Variants in RERE observed in about 807,000 individuals in gnomAD.
RERE encodes arginine-glutamic acid dipeptide repeats, also known as arginine-glutamic acid dipeptide repeats protein.
In RERE, 40 loss-of-function variants were observed where a neutral mutation model predicts 146.1. The ratio of observed to expected loss-of-function variants is 0.27; its 90% CI spans 0.21 to 0.36. The LOEUF is 0.36. RERE is among the 10% of genes least tolerant of loss of function. The probability of loss-of-function intolerance (pLI) is 1.00; values close to 1 mark genes in which losing one functional copy is unlikely to be tolerated. For synonymous variants in RERE, 1,003 were observed against 866.0 expected (o/e 1.16, Z -2.78); for missense variants, 1,933 against 2,138.7 (o/e 0.90, Z 1.90).
At chr1:8,429,945 G>GA (rs1170821934) in intron 11 of RERE, 1 of 152,214 alleles carries the variant, frequency 6.6e-6, no homozygotes. Context: ...AGCAGCAGAC[G>GA]AAAAAGACAT....
At chr1:8,548,331 T>C (rs534355676) in intron 6 of RERE, among the ~76,000 whole-genome samples, 2 of 152,172 alleles carry the variant, frequency 1.3e-5, no homozygotes, top group Admixed American at 1.3e-4. Context: ...ACCACAGCAA[T>C]AGTCCACATG....
intron 12 of RERE, among the ~76,000 whole-genome samples, chr1:8,385,630 G>A (rs1375653913): frequency 6.6e-6 from 1 of 151,942 alleles, no homozygotes; most frequent in African/African-American, 2.4e-5. Context: ...ACAACCAACT[G>A]TGGCCTCAGA....
intron 2 of RERE, among the ~76,000 whole-genome samples, chr1:8,647,641 A>ATGTGTGTGTG (rs1553127411): frequency 1.8e-3 from 264 of 148,630 alleles, no homozygotes; most frequent in African/African-American, 5.3e-3. Context: ...TAAAATATGT[A>ATGTGTGTGTG]TGTGTGTGTG....
intron 4 of RERE, among the ~76,000 whole-genome samples, chr1:8,586,973 T>G (rs1304303138): frequency 2.6e-5 from 4 of 151,990 alleles, no homozygotes; most frequent in Non-Finnish European, 5.9e-5. Flanking sequence ...TAAGAATAAT[T>G]CGGAAATATA....
At chr1:8,547,750 T>C (rs1035727529) in intron 6 of RERE, among the ~76,000 whole-genome samples, 1 of 152,224 alleles carries the variant, frequency 6.6e-6, no homozygotes, top group African/African-American at 2.4e-5. Flanking sequence ...GGCTGCTTCA[T>C]ACTTATCAGA....
At chr1:8,793,174 A>AAAAAAAAG (rs756022312) in intron 1 of RERE, among the ~76,000 whole-genome samples, 160 of 126,930 alleles carry the variant, frequency 1.3e-3, no homozygotes, top group East Asian at 2.4e-3. Flanking sequence ...AAAAAAAAAA[A>AAAAAAAAG]AAAGAAAGAA....
At chr1:8,359,629 G>A (rs944610855) in intron 19 of RERE, 135 bp downstream of exon 19, 3 of 993,250 alleles carry the variant, frequency 3.0e-6, no homozygotes, top group Non-Finnish European at 3.1e-6. Context: ...GAGACAGGGT[G>A]TAAATAGCAC....
chr1:8,522,298 C>T (rs552929923), intron 7 of RERE, among the ~76,000 whole-genome samples: 2 of 152,328 alleles, frequency 1.3e-5, no homozygotes, highest in South Asian at 2.1e-4. Flanking sequence ...TCCTGTCAGA[C>T]ATTTATGTTA....
chr1:8,719,074 G>T (rs1639813095), intron 1 of RERE, among the ~76,000 whole-genome samples: 1 of 152,166 alleles, frequency 6.6e-6, no homozygotes, highest in South Asian at 2.1e-4. Flanking sequence ...GAAACAGGCA[G>T]GGGGCAGCAA....
At chr1:8,455,547 TG>T (rs1644444555) in intron 11 of RERE, among the ~76,000 whole-genome samples, 2 of 152,168 alleles carry the variant, frequency 1.3e-5, no homozygotes, top group South Asian at 4.1e-4. Flanking sequence ...AGGAGTTGGT[TG>T]CTCCTTCCAA....
At chr1:8,644,535 A>G (rs1467649997) in intron 2 of RERE, among the ~76,000 whole-genome samples, 1 of 152,212 alleles carries the variant, frequency 6.6e-6, no homozygotes, top group Non-Finnish European at 1.5e-5. Flanking sequence ...AAAACTTTTC[A>G]TGCATACAAC....
chr1:8,785,682 C>T (rs1025716528), intron 1 of RERE, among the ~76,000 whole-genome samples: 3 of 152,064 alleles, frequency 2.0e-5, no homozygotes, highest in South Asian at 2.1e-4. Context: ...AGTGTGATGG[C>T]GCAGTCTTGG....
In RERE at chr1:8,362,851, A is replaced by G; in HGVS notation, c.1741-7T>C. The G allele has an allele frequency of 6.2e-7, 1 of 1,605,690 alleles. No homozygotes were observed. Among genetic ancestry groups the G allele is most frequent in the Non-Finnish European group, 8.5e-7 (1 of 1,175,322 alleles). On this transcript the variant is annotated splice_polypyrimidine_tract_variant and splice_region_variant and intron_variant, in intron 15 of 22. Transcript: ENST00000400908. Reference sequence around the variant, plus strand: ...CACTGCGTAGTGTCGACATCTGCCCACCCAAACCGAAGACTGGTGACACCA... The same window carrying G: ...CACTGCGTAGTGTCGACATCTGCCCGCCCAAACCGAAGACTGGTGACACCA...
intron 11 of RERE, among the ~76,000 whole-genome samples, chr1:8,458,836 C>A (rs1053159289): frequency 1.3e-5 from 2 of 152,220 alleles, no homozygotes; most frequent in Non-Finnish European, 2.9e-5. Flanking sequence ...TGAATCTGTA[C>A]ATTTATCCCA....
chr1:8,494,527 T>C (rs1237043189), intron 10 of RERE, among the ~76,000 whole-genome samples: 18 of 152,002 alleles, frequency 1.2e-4, no homozygotes, highest in Admixed American at 5.2e-4. Context: ...GAGATTGAGA[T>C]CATCCTGGCT....
At chr1:8,786,329 T>C (rs1020071819) in intron 1 of RERE, 5 of 875,226 alleles carry the variant, frequency 5.7e-6, no homozygotes, top group South Asian at 1.3e-5. Flanking sequence ...AGGAAGTTAT[T>C]TGCTTCTTTA....
rs201539136 is a variant in RERE, at chr1:8,611,538, CAAAT to C, written c.522+3019_522+3022del. Among the ~76,000 whole-genome samples, 695 of 152,226 alleles carry C rather than the reference CAAAT, an allele frequency of 4.6e-3. 6 individuals are homozygous for C. The highest frequency in any genetic ancestry group is 0.016 in the African/African-American group (666 of 41,546). ...ACAACAACAACAAAAAAACACTACTCAAATAAAACAGTTCAAACCACCCCTACAA... is the reference window on the plus strand; with the variant it reads ...ACAACAACAACAAAAAAACACTACTCAAAACAGTTCAAACCACCCCTACAA... On this transcript the variant is annotated intron_variant, in intron 4 of 22. Coordinates refer to ENST00000400908, the MANE Select transcript of RERE (RefSeq NM_001042681.2).
Position 8,729,238 on chromosome 1 carries a change from T to TA in RERE, c.-144-72798dup, listed in dbSNP as rs1287615938. 2.7e-4 allele frequency among the ~76,000 whole-genome samples: 38 copies of TA among 142,274 alleles called. No individual in the cohort carries two copies. In the East Asian group the frequency reaches 2.8e-3, roughly 11 times the overall value. The allele number at this position is 142,274 out of a possible 152,430, so 93.3% of individuals were successfully genotyped here. On this transcript the variant is annotated intron_variant, in intron 1 of 22. Coordinates refer to ENST00000400908, the MANE Select transcript of RERE (RefSeq NM_001042681.2). ...ACCGATTTTTTTTTTTTTTTTTTTT[T>TA]ATTGAGATGGAGTCTCGCTCTGTTG... is the stretch of plus-strand genomic sequence containing the variant.
intron 12 of RERE, among the ~76,000 whole-genome samples, chr1:8,417,569 C>G (rs1049470209): frequency 1.3e-5 from 2 of 152,202 alleles, no homozygotes; most frequent in Non-Finnish European, 2.9e-5. Context: ...GGCTTCCCTT[C>G]CCATTAACTT....
Sources: gnomAD v4.1 joint callset for allele counts (sites outside exome capture counted in the v4.1 genomes callset) on GRCh38, gnomAD v4.1.1 for gene constraint, MANE v1.5 for transcripts, NCBI Gene and HGNC (gene_info 2026-07-23, HGNC 2026-07-21) for gene names.